Variants in SLC11A2 observed in about 807,000 individuals in gnomAD.
The protein encoded by SLC11A2 is solute carrier family 11 member 2, also known as natural resistance-associated macrophage protein 2.
A neutral mutation model predicts 68.0 loss-of-function variants in SLC11A2; 38 were observed. That is an observed-to-expected ratio of 0.56 (90% CI 0.43 to 0.73). The LOEUF is 0.73. SLC11A2 is among the 30% of genes least tolerant of loss of function. SLC11A2 has a pLI of 0.00. For synonymous variants in SLC11A2, 242 were observed against 250.6 expected (o/e 0.97, Z 0.32); for missense variants, 517 against 690.5 (o/e 0.75, Z 2.82).
rs2136148437 is a variant in SLC11A2, at chr12:50,986,062, T to C, written c.*2263A>G. On this transcript the variant is annotated 3_prime_UTR_variant, in exon 16 of 16. Coordinates refer to ENST00000262052, the MANE Select transcript of SLC11A2 (RefSeq NM_000617.3). Reference sequence around the variant, plus strand: ...GGTTAAATGGTTACTAAAAGCTCAGTTGTAACCACTCCTAACACCACTAGC... The same window carrying C: ...GGTTAAATGGTTACTAAAAGCTCAGCTGTAACCACTCCTAACACCACTAGC... 1.2e-5 allele frequency: 15 copies of C among 1,276,884 alleles called. No homozygotes were observed. Among genetic ancestry groups the C allele is most frequent in the Admixed American group, 2.4e-5 (1 of 41,114 alleles). The allele number at this position is 1,276,884 out of a possible 1,614,324, so 79.1% of individuals were successfully genotyped here. A position where few individuals can be genotyped will look rare whatever the true frequency, so the allele number is the denominator to read the frequency against.
rs150037399 is a variant in SLC11A2, at chr12:50,995,710, T to G, written c.909A>C (p.Ala303=). The G allele has an allele frequency of 6.2e-7, 1 of 1,613,914 alleles. No individual in the cohort carries two copies. Among genetic ancestry groups the G allele is most frequent in the East Asian group, 2.2e-5 (1 of 44,874 alleles). The change falls in exon 10 of 16, where the codon GCA becomes GCC. Residue 303 remains alanine (A), a synonymous_variant. Coordinates refer to ENST00000262052, the MANE Select transcript of SLC11A2 (RefSeq NM_000617.3). ...NKYFFIESCI[A]LFVSFIINVF... is the part of the protein sequence containing the mutation. ...CATTGATGATGAAGGAAACAAAGAG[T>G]GCAATGCAGGATTCAATGAAAAAGT...
chr12:50,973,884 T>C, the SLC11A2 span, among the ~76,000 whole-genome samples: 15 of 152,118 alleles, frequency 9.9e-5, no homozygotes, highest in Non-Finnish European at 2.1e-4. Context: ...GAAGAAAGGG[T>C]ATCAGTGATG....
Position 50,987,722 on chromosome 12 carries a change from C to T in SLC11A2, c.*603G>A, listed in dbSNP as rs761116058. On this transcript the variant is annotated 3_prime_UTR_variant, in exon 16 of 16. Coordinates refer to ENST00000262052, the MANE Select transcript of SLC11A2 (RefSeq NM_000617.3). ...GTTTTTCCCCTTCTTTGTTTTCTCA[C>T]CCCTCTTAACTTCCACTGAGAAATT... The T allele has an allele frequency of 8.1e-5, 104 of 1,286,990 alleles. No homozygotes were observed. The highest frequency in any genetic ancestry group is 1.0e-4 in the Non-Finnish European group (99 of 988,644). 79.7% of individuals were successfully genotyped at this position (1,286,990 alleles called of 1,614,324 possible). A position where few individuals can be genotyped will look rare whatever the true frequency, so the allele number is the denominator to read the frequency against.
chr12:51,008,154 A>T (rs951704448), intron 3 of SLC11A2: 3 of 249,392 alleles, frequency 1.2e-5, no homozygotes, highest in African/African-American at 6.8e-5. Context: ...ACAGTGGGCT[A>T]TGGTTGTGCC....
chr12:50,986,177 GAAGAAC>G lies in SLC11A2; in HGVS notation c.*2142_*2147del. ...CACAATTATTTCATGTCACATTTAA[GAAGAAC>G]AAGAACCAATTTATATAAAGTACAA... is the stretch of plus-strand genomic sequence containing the variant. On this transcript the variant is annotated 3_prime_UTR_variant, in exon 16 of 16. Coordinates refer to ENST00000262052, the MANE Select transcript of SLC11A2 (RefSeq NM_000617.3). 2.3e-6 allele frequency: 3 copies of G among 1,285,026 alleles called. No homozygotes were observed. Among genetic ancestry groups the G allele is most frequent in the Non-Finnish European group, 3.0e-6 (3 of 986,920 alleles). 79.6% of individuals were successfully genotyped at this position (1,285,026 alleles called of 1,614,324 possible).
chr12:51,026,727 C>G (rs1208829921), upstream of SLC11A2, among the ~76,000 whole-genome samples: 1 of 152,136 alleles, frequency 6.6e-6, no homozygotes, highest in Non-Finnish European at 1.5e-5. Context: ...AGGTATAGCT[C>G]TATCCTGTAA....
chr12:50,992,456 C>G, intron 12 of SLC11A2, 117 bp from the exon 13 acceptor site: 1 of 946,616 alleles, frequency 1.1e-6, no homozygotes, highest in Non-Finnish European at 1.6e-6. Flanking sequence ...AGGGGCCAGG[C>G]GCAGTGGCTC....
intron 1 of SLC11A2, among the ~76,000 whole-genome samples, chr12:51,016,681 C>CA (rs35475519): frequency 0.89 from 109,975 of 123,316 alleles, 49,145 homozygotes; most frequent in East Asian, 0.98. Context: ...GACTCCATCT[C>CA]AAAAAAAAAA....
the SLC11A2 span, among the ~76,000 whole-genome samples, chr12:50,971,450 A>G: frequency 6.6e-6 from 1 of 152,244 alleles, no homozygotes; most frequent in Non-Finnish European, 1.5e-5. Flanking sequence ...TAGGAATACA[A>G]AGGTAAACTG....
At chr12:50,968,752 G>C in the SLC11A2 span, among the ~76,000 whole-genome samples, 1 of 151,800 alleles carries the variant, frequency 6.6e-6, no homozygotes, top group Non-Finnish European at 1.5e-5. Context: ...ATGTTGGTCA[G>C]GCTGGTCTCA....
intron 3 of SLC11A2, chr12:51,005,864 C>A (rs926125851): frequency 5.3e-6 from 2 of 378,738 alleles, no homozygotes; most frequent in Non-Finnish European, 9.9e-6. Context: ...ACCAACTGAA[C>A]GGATCCTCTT....
rs1941236709 is a variant in SLC11A2 at position 50,992,358 on chromosome 12, G to A, written c.1198-19C>T. The A allele has an allele frequency of 6.2e-7, 1 of 1,613,024 alleles. No homozygotes were observed. Among genetic ancestry groups the A allele is most frequent in the African/African-American group, 1.3e-5 (1 of 74,888 alleles). On this transcript the variant is annotated intron_variant, in intron 12 of 15. Coordinates refer to ENST00000262052, the MANE Select transcript of SLC11A2 (RefSeq NM_000617.3). ...GGAATCCCTGGAAGAAAACATAGGA[G>A]CAGATGACTGTCTGCAACAGGAAAC... is the stretch of plus-strand genomic sequence containing the variant.
At chr12:51,027,929 G>A (rs1302419816), upstream of SLC11A2, among the ~76,000 whole-genome samples, 2 of 148,202 alleles carry the variant, frequency 1.3e-5, no homozygotes, top group African/African-American at 5.0e-5. Flanking sequence ...GGGGGGGGGG[G>A]CTTGGCTTCC....
At chr12:51,000,752 A>C (rs377653778) in intron 5 of SLC11A2, 2 of 586,782 alleles carry the variant, frequency 3.4e-6, no homozygotes, top group Admixed American at 3.3e-5. Context: ...AATCCTAAAA[A>C]GTTTAGAGGA....
At chr12:50,981,571 T>C (rs747075965), downstream of SLC11A2, 69 of 625,542 alleles carry the variant, frequency 1.1e-4, no homozygotes, top group Non-Finnish European at 1.6e-4. Context: ...TTTATAGCTG[T>C]CAGTTTTGAA....
At chr12:50,960,978 C>T in the SLC11A2 span, 4 of 1,589,810 alleles carry the variant, frequency 2.5e-6, no homozygotes, top group Admixed American at 1.8e-5. Context: ...GTATAGCAGG[C>T]TTTGTGACTG....
At chr12:50,998,760 C>T (rs1941953119) in intron 8 of SLC11A2, among the ~76,000 whole-genome samples, 1 of 152,156 alleles carries the variant, frequency 6.6e-6, no homozygotes, top group African/African-American at 2.4e-5. Flanking sequence ...AATTCATTAA[C>T]TGTTTTAATA....
chr12:51,000,759 A>G, intron 5 of SLC11A2: 1 of 586,374 alleles, frequency 1.7e-6, no homozygotes, highest in Non-Finnish European at 3.0e-6. Context: ...AAAAGTTTAG[A>G]GGAGAATAAG....
the SLC11A2 span, among the ~76,000 whole-genome samples, chr12:50,958,570 CG>C: frequency 6.6e-6 from 1 of 151,434 alleles, no homozygotes; most frequent in African/African-American, 2.4e-5. Context: ...CGTGAGCCAC[CG>C]CGCCCGGCCT....
Sources: allele counts gnomAD v4.1 joint callset (sites outside exome capture counted in the v4.1 genomes callset), GRCh38; gene constraint gnomAD v4.1.1; transcripts MANE v1.5; gene names NCBI Gene and HGNC (gene_info 2026-07-23, HGNC 2026-07-21).